Variants in DNAH17 observed in about 807,000 individuals in gnomAD.
DNAH17 encodes the protein dynein axonemal heavy chain 17, also known as axonemal beta dynein heavy chain 17.
DNAH17 carries 376 observed loss-of-function variants against 485.6 expected under a neutral mutation model. That is an observed-to-expected ratio of 0.77 (90% CI 0.71 to 0.84). DNAH17 has a LOEUF of 0.84. Among genes scored for constraint, DNAH17 ranks in the 40% least tolerant of loss-of-function variants. The probability of loss-of-function intolerance (pLI) is 0.00; values close to 1 mark genes in which losing one functional copy is unlikely to be tolerated. For synonymous variants in DNAH17, 3,031 were observed against 2,405.9 expected (o/e 1.26, Z -7.60); for missense variants, 6,370 against 5,839.3 (o/e 1.09, Z -2.96).
At position 78,552,716 on chromosome 17, in the gene DNAH17, TGTC is replaced by T. The variant is rs2091930995; in HGVS notation, c.2265_2267del (p.Thr756del). 6.2e-7 allele frequency: 1 copy of T among 1,613,898 alleles called. No individual in the cohort carries two copies. Among genetic ancestry groups the T allele is most frequent in the Non-Finnish European group, 8.5e-7 (1 of 1,179,784 alleles). ...CCGTACCTTCGCCATTCCAGAATAA[TGTC>T]GTTTCAGCGCTCAATAACTTGACAT... On this transcript the variant is annotated inframe_deletion, in exon 15 of 81. Transcript: ENST00000389840.
At chr17:78,446,157 G>C (rs545627340) in intron 69 of DNAH17, among the ~76,000 whole-genome samples, 113 of 107,566 alleles carry the variant, frequency 1.1e-3, no homozygotes, top group African/African-American at 3.9e-3. Flanking sequence ...CTGGGCAACA[G>C]AGTGAGACTC....
rs570916749 is a variant in DNAH17, at chr17:78,459,500, C to T, written c.9653+284G>A. ...CGTGGCAGGTGTTACATTTTGGGGACGGTATTCGTGTGTGCAATGCATGTG... is the reference window on the plus strand; with the variant it reads ...CGTGGCAGGTGTTACATTTTGGGGATGGTATTCGTGTGTGCAATGCATGTG... On this transcript the variant is annotated intron_variant, in intron 60 of 80. Coordinates refer to ENST00000389840, the MANE Select transcript of DNAH17 (RefSeq NM_173628.4). 9.2e-5 allele frequency among the ~76,000 whole-genome samples: 14 copies of T among 152,272 alleles called. No individual in the cohort carries two copies. The South Asian group carries it at 1.0e-3, about 11-fold the overall frequency.
In DNAH17 at chr17:78,450,127, G is replaced by T; in HGVS notation, c.11040+127C>A. The stretch of plus-strand genomic sequence containing the variant: ...CTCTTCCAGCTCCATCTGCAGGCTG[G>T]ACCAGGTCTGCCCTCTGAGGGTGGC... On this transcript the variant is annotated intron_variant, in intron 68 of 80. Transcript: ENST00000389840. 6 of 1,143,406 alleles carry T rather than the reference G, an allele frequency of 5.2e-6. No homozygotes were observed. The South Asian group carries it at 7.5e-5, about 14-fold the overall frequency. 70.8% of individuals were successfully genotyped at this position (1,143,406 alleles called of 1,614,324 possible). A position where few individuals can be genotyped will look rare whatever the true frequency, so the allele number is the denominator to read the frequency against.
chr17:78,431,180 A>T (rs901567068), intron 75 of DNAH17, among the ~76,000 whole-genome samples: 1 of 89,582 alleles, frequency 1.1e-5, no homozygotes, highest in African/African-American at 4.0e-5. Context: ...CACTCGGCTT[A>T]GTCTCATGAC....
intron 65 of DNAH17, among the ~76,000 whole-genome samples, chr17:78,453,058 G>A (rs754527943): frequency 6.6e-6 from 1 of 152,208 alleles, no homozygotes; most frequent in Non-Finnish European, 1.5e-5. Flanking sequence ...TTTGCAAAAT[G>A]CCTAAGAACA....
chr17:78,553,122 TG>T (rs1449562486), intron 14 of DNAH17, among the ~76,000 whole-genome samples: 9 of 152,212 alleles, frequency 5.9e-5, no homozygotes, highest in African/African-American at 2.2e-4. Context: ...TCCTGGCTTG[TG>T]CCAAGTGATG....
At chr17:78,435,515 C>G (rs1286611853) in intron 74 of DNAH17, among the ~76,000 whole-genome samples, 1 of 152,196 alleles carries the variant, frequency 6.6e-6, no homozygotes, top group African/African-American at 2.4e-5. Context: ...GGTGCCACTC[C>G]CGTGTGCTGG....
chr17:78,539,993 G>A (rs1483622420), intron 17 of DNAH17, 113 bp from the exon 18 acceptor site: 11 of 1,121,196 alleles, frequency 9.8e-6, no homozygotes, highest in East Asian at 6.0e-5. Flanking sequence ...CCGGACACAC[G>A]GGGCTGCTTT....
intron 76 of DNAH17, 62 bp downstream of exon 76, chr17:78,429,059 G>T: frequency 6.4e-7 from 1 of 1,550,960 alleles, no homozygotes. Flanking sequence ...GTGCTGGCAG[G>T]CTCTCACCGG....
At chr17:78,533,811 A>C (rs1022711770) in intron 19 of DNAH17, among the ~76,000 whole-genome samples, 13 of 151,890 alleles carry the variant, frequency 8.6e-5, no homozygotes, top group Non-Finnish European at 1.8e-4. Flanking sequence ...CAGCCTCCCA[A>C]ATAGCTGGGA....
At chr17:78,478,998 C>T in intron 51 of DNAH17, 27 bp downstream of exon 51, 2 of 1,602,124 alleles carry the variant, frequency 1.2e-6, no homozygotes, top group Non-Finnish European at 1.7e-6. Flanking sequence ...GTAAGGCAGG[C>T]ATGACATAAA....
At chr17:78,543,168 G>T (rs1008223317) in intron 17 of DNAH17, among the ~76,000 whole-genome samples, 1 of 152,244 alleles carries the variant, frequency 6.6e-6, no homozygotes, top group Non-Finnish European at 1.5e-5. Context: ...AGGCTGGGGT[G>T]CAGTGGTGCG....
intron 25 of DNAH17, among the ~76,000 whole-genome samples, chr17:78,516,958 G>T (rs745669042): frequency 6.6e-5 from 10 of 152,220 alleles, no homozygotes; most frequent in Non-Finnish European, 1.5e-4. Flanking sequence ...ACTGCCAAGA[G>T]ATTAATTTTC....
Position 78,475,343 on chromosome 17 carries a change from A to G in DNAH17, c.8446T>C (p.Tyr2816His), listed in dbSNP as rs1468184919. ...TGAAACACGTCAAGCCCGCTGATGT[A>G]CGCTGCCAGGCGGGAGAGGCTCTGT... is the stretch of plus-strand genomic sequence containing the variant. ...GKQSLSRLAA[Y>H]ISGLDVFQIT... The change falls in exon 54 of 81, where the codon TAC becomes CAC. Residue 2816 changes from tyrosine to histidine, a missense_variant. By Grantham distance (83) the Tyr-to-His change is moderately conservative. Coordinates refer to ENST00000389840, the MANE Select transcript of DNAH17 (RefSeq NM_173628.4). The G allele has an allele frequency of 6.2e-7, 1 of 1,613,990 alleles. No individual in the cohort carries two copies.
At position 78,507,357 on chromosome 17, in the gene DNAH17, C is replaced by G. The variant is rs780259420; in HGVS notation, c.4597G>C (p.Asp1533His). 6.2e-7 allele frequency: 1 copy of G among 1,614,022 alleles called. No homozygotes were observed. The highest frequency in any genetic ancestry group is 8.5e-7 in the Non-Finnish European group (1 of 1,179,900). The change falls in exon 29 of 81, where the codon GAT becomes CAT. Residue 1533 changes from aspartate (D) to histidine (H), a missense_variant. Transcript: ENST00000389840. ...INQEFKALME[D>H]AVKTPNVVEA... ...ACCACGTTGGGTGTTTTCACTGCAT[C>G]TTCCATCAAGGCCTGGGAAGAGAAG...
intron 56 of DNAH17, among the ~76,000 whole-genome samples, chr17:78,463,464 A>G (rs111741132): frequency 0.041 from 6,215 of 151,866 alleles, 416 homozygotes; most frequent in African/African-American, 0.14. Context: ...GTATATATAC[A>G]CGTGCATACG....
intron 70 of DNAH17, 43 bp from the exon 71 acceptor site, chr17:78,444,840 C>T: frequency 3.3e-6 from 5 of 1,526,532 alleles, no homozygotes; most frequent in Non-Finnish European, 4.4e-6. Context: ...TCCCACTTAC[C>T]CGGGTCCCGA....
In DNAH17 at chr17:78,526,988, C is replaced by A; in HGVS notation, c.3516G>T (p.Pro1172=). The change falls in exon 23 of 81, where the codon CCG becomes CCT. Residue 1172 remains proline, a synonymous_variant. Coordinates refer to ENST00000389840, the MANE Select transcript of DNAH17 (RefSeq NM_173628.4). The part of the protein sequence containing the change: ...EEIHLKLQEL[P]EHWANTKKLA... The stretch of plus-strand genomic sequence containing the variant: ...GTTTCTTGGTATTTGCCCAGTGCTC[C>A]GGCAGCTCCTGCGGGAAGCAAAGGC... The A allele has an allele frequency of 6.3e-7, 1 of 1,577,200 alleles. No individual in the cohort carries two copies. Among genetic ancestry groups the A allele is most frequent in the East Asian group, 2.3e-5 (1 of 43,296 alleles).
In DNAH17 at chr17:78,502,590, CCTG is replaced by C. The variant is rs746747495; in HGVS notation, c.5188_5190del (p.Gln1730del). On this transcript the variant is annotated inframe_deletion and splice_region_variant, in exon 33 of 81. Coordinates refer to ENST00000389840, the MANE Select transcript of DNAH17 (RefSeq NM_173628.4). ...TAACTAACTACACACTAGTAACACA[CCTG>C]CTTTTTGTTATAATCTCTGATAGCG... The C allele has an allele frequency of 2.6e-5, 42 of 1,612,338 alleles. No individual in the cohort carries two copies. The highest frequency in any genetic ancestry group is 3.5e-5 in the Non-Finnish European group (41 of 1,179,316).
Sources: allele counts gnomAD v4.1 joint callset (sites outside exome capture counted in the v4.1 genomes callset), GRCh38; gene constraint gnomAD v4.1.1; transcripts MANE v1.5; gene names NCBI Gene and HGNC (gene_info 2026-07-23, HGNC 2026-07-21).